The following STK26 variants were observed in gnomAD, a reference collection of about 807,000 sequenced individuals.
STK26 encodes serine/threonine kinase 26, also known as serine/threonine-protein kinase 26.
STK26 carries 14 observed loss-of-function variants against 34.7 expected under a neutral mutation model. The ratio of observed to expected loss-of-function variants is 0.40; its 90% CI spans 0.27 to 0.63. The LOEUF is 0.63. Ranked by LOEUF, STK26 falls within the 30% of genes least tolerant of loss-of-function variation. The pLI is 0.38. For missense variants in STK26, 226 were observed against 309.1 expected (o/e 0.73, Z 2.02); for synonymous variants, 100 against 109.8 (o/e 0.91, Z 0.56).
In STK26 at chrX:132,074,576, AAC is replaced by A. The variant is rs1387023193; in HGVS notation, c.*419_*420del. The A allele has an allele frequency of 2.1e-3, 246 of 115,125 alleles. 1 individual carries two copies. The highest frequency in any genetic ancestry group is 7.6e-3 in the African/African-American group (234 of 30,786). 9.5% of individuals were successfully genotyped at this position (115,125 alleles called of 1,213,427 possible). ...CAAAAAGCTTTTTTTTTTAAAAAAA[AAC>A]ATGCATATTCTAAAAATGACTATTG... On this transcript the variant is annotated 3_prime_UTR_variant, in exon 12 of 12. Transcript: ENST00000394334.
chrX:132,043,666 GTGGTA>G (rs1373626901), intron 2 of STK26, among the ~76,000 whole-genome samples: 2 of 111,655 alleles, frequency 1.8e-5, no homozygotes, highest in Non-Finnish European at 3.8e-5. Context: ...TTACAGCAGA[GTGGTA>G]TGCAAACTGT....
At chrX:132,058,620 A>AC (rs1388776896) in intron 3 of STK26, among the ~76,000 whole-genome samples, 1 of 111,279 alleles carries the variant, frequency 9.0e-6, no homozygotes, top group African/African-American at 3.3e-5. Context: ...TGTACTAGTC[A>AC]CCCAGTATTT....
intron 2 of STK26, among the ~76,000 whole-genome samples, chrX:132,041,701 A>G (rs146010292): frequency 2.7e-4 from 30 of 110,937 alleles, no homozygotes; most frequent in African/African-American, 8.8e-4. Context: ...CAGTTCTAAA[A>G]TCTTACTGCA....
At chrX:132,072,440 T>G (rs1569337215) in intron 9 of STK26, 79 bp downstream of exon 9, 2 of 858,458 alleles carry the variant, frequency 2.3e-6, no homozygotes, top group Non-Finnish European at 3.4e-6. Context: ...CCTAAAATTG[T>G]TAGGATTGAA....
At chrX:132,066,132 C>T (rs1927211877) in intron 4 of STK26, among the ~76,000 whole-genome samples, 1 of 111,711 alleles carries the variant, frequency 9.0e-6, no homozygotes, top group South Asian at 3.7e-4. Context: ...CAGTGTCTAC[C>T]TTGAGTCACT....
chrX:132,043,722 T>A (rs764262176), intron 2 of STK26, among the ~76,000 whole-genome samples: 10 of 111,526 alleles, frequency 9.0e-5, no homozygotes, highest in African/African-American at 2.9e-4. Context: ...GAGTATGAAA[T>A]CATCCTGGAT....
chrX:132,035,832 T>TACACACACACACACACACAC (rs61494612), intron 2 of STK26, among the ~76,000 whole-genome samples: 2 of 78,240 alleles, frequency 2.6e-5, no homozygotes, highest in African/African-American at 9.8e-5. Flanking sequence ...TCTGGCTGCA[T>TACACACACACACACACACAC]ACACACACAC....
intron 2 of STK26, among the ~76,000 whole-genome samples, chrX:132,047,453 G>A (rs1221086518): frequency 9.0e-6 from 1 of 111,312 alleles, no homozygotes; most frequent in Non-Finnish European, 1.9e-5. Flanking sequence ...AATTTGTGGG[G>A]GGTTTTAAAT....
intron 2 of STK26, among the ~76,000 whole-genome samples, chrX:132,047,079 A>G (rs1926521577): frequency 8.9e-6 from 1 of 112,257 alleles, no homozygotes; most frequent in Non-Finnish European, 1.9e-5. Flanking sequence ...TTCATGTTTA[A>G]TTTGAAACAT....
At chrX:132,034,289 A>ATTTTT (rs1219878763) in intron 2 of STK26, among the ~76,000 whole-genome samples, 8 of 34,959 alleles carry the variant, frequency 2.3e-4, no homozygotes, top group Admixed American at 1.6e-3. Context: ...TGAGACATTT[A>ATTTTT]TTCTTTTTTT....
chrX:132,044,715 A>G (rs1166016819), intron 2 of STK26, among the ~76,000 whole-genome samples: 1 of 62,043 alleles, frequency 1.6e-5, no homozygotes, highest in African/African-American at 6.8e-5. Flanking sequence ...AGAGATCTAT[A>G]TATATATTTA....
intron 9 of STK26, 121 bp from the exon 10 acceptor site, chrX:132,072,692 C>G: frequency 1.4e-6 from 1 of 713,279 alleles, no homozygotes; most frequent in Non-Finnish European, 2.1e-6. Flanking sequence ...TAGAGACTTG[C>G]CTTGCATACA....
chrX:132,037,160 T>C (rs938741375), intron 2 of STK26, among the ~76,000 whole-genome samples: 5 of 112,414 alleles, frequency 4.4e-5, no homozygotes, highest in African/African-American at 1.6e-4. Context: ...TTTACCTCAT[T>C]TAAAACCTTG....
intron 4 of STK26, among the ~76,000 whole-genome samples, chrX:132,066,482 G>A (rs1400524388): frequency 9.0e-6 from 1 of 111,629 alleles, no homozygotes; most frequent in Non-Finnish European, 1.9e-5. Flanking sequence ...ATTACACAAG[G>A]CAAGTACACT....
intron 2 of STK26, among the ~76,000 whole-genome samples, chrX:132,049,833 C>T (rs1049072000): frequency 4.5e-5 from 5 of 112,199 alleles, no homozygotes; most frequent in African/African-American, 1.6e-4. Context: ...ATAGCTACAG[C>T]ATTCATAGTA....
At chrX:132,066,743 A>G (rs1927239399) in intron 4 of STK26, among the ~76,000 whole-genome samples, 2 of 112,067 alleles carry the variant, frequency 1.8e-5, no homozygotes, top group Non-Finnish European at 3.8e-5. Context: ...GTATTAGGTA[A>G]TATACTGGCT....
At chrX:132,027,957 G>A (rs1935136731) in intron 2 of STK26, among the ~76,000 whole-genome samples, 1 of 108,092 alleles carries the variant, frequency 9.3e-6, no homozygotes, top group African/African-American at 3.4e-5. Context: ...CTGGGTTCAA[G>A]CAATCCACCC....
At chrX:132,068,972 C>T in intron 6 of STK26, among the ~76,000 whole-genome samples, 1 of 110,386 alleles carries the variant, frequency 9.1e-6, no homozygotes, top group Non-Finnish European at 1.9e-5. Context: ...TCTGAAAAAA[C>T]CTTCTTCCCA....
chrX:132,051,917 A>T lies in STK26; in HGVS notation c.43-2714A>T, dbSNP rs187138895. Among the ~76,000 whole-genome samples, 9 of 110,593 alleles carry T rather than the reference A, an allele frequency of 8.1e-5. No individual in the cohort carries two copies. In the Admixed American group the frequency reaches 8.7e-4, roughly 11 times the overall value. Reference sequence around the variant, plus strand: ...AGTTTCATCCATGTCCTTGAAAAGGACATGCACTCATCCTTTTTTATGGCT... The same window carrying T: ...AGTTTCATCCATGTCCTTGAAAAGGTCATGCACTCATCCTTTTTTATGGCT... On this transcript the variant is annotated intron_variant, in intron 2 of 11. Transcript: ENST00000394334.
Sources: gnomAD v4.1 joint callset for allele counts (sites outside exome capture counted in the v4.1 genomes callset) on GRCh38, gnomAD v4.1.1 for gene constraint, MANE v1.5 for transcripts, NCBI Gene and HGNC (gene_info 2026-07-23, HGNC 2026-07-21) for gene names.